The following IGBP1 variants were observed in gnomAD, a reference collection of about 807,000 sequenced individuals.
The protein encoded by IGBP1 is immunoglobulin-binding protein 1.
IGBP1 carries 2 observed loss-of-function variants against 25.9 expected under a neutral mutation model. The observed-to-expected ratio is 0.08, with a 90% CI of 0.03 to 0.24. The LOEUF (loss-of-function observed/expected upper bound fraction) is 0.24. IGBP1 is among the 10% of genes least tolerant of loss of function. The probability of loss-of-function intolerance (pLI) is 1.00; values close to 1 mark genes in which losing one functional copy is unlikely to be tolerated. For synonymous variants in IGBP1, 96 were observed against 93.4 expected (o/e 1.03, Z -0.16); for missense variants, 187 against 260.4 (o/e 0.72, Z 1.94).
rs142288065 is a variant in IGBP1 at position 70,145,078 on chromosome X, C to T, written c.483-1555C>T. Among the ~76,000 whole-genome samples the T allele has an allele frequency of 3.8e-3, 415 of 109,259 alleles. 2 individuals carry two copies. The highest frequency in any genetic ancestry group is 0.013 in the African/African-American group (389 of 30,093). 94.9% of individuals were successfully genotyped at this position (109,259 alleles called of 115,157 possible). A position where few individuals can be genotyped will look rare whatever the true frequency, so the allele number is the denominator to read the frequency against. ...AAAAAGAAAGCATACAGGTAGAGTT[C>T]TGTATAAAATTTGTGGGAGTTCAAG... On this transcript the variant is annotated intron_variant, in intron 3 of 6. Transcript: ENST00000356413.
intron 5 of IGBP1, among the ~76,000 whole-genome samples, chrX:70,149,156 A>G (rs1300222226): frequency 1.9e-5 from 2 of 105,893 alleles, no homozygotes; most frequent in African/African-American, 6.9e-5. Context: ...TGAACCTGGG[A>G]GGGGGAGGTT....
At chrX:70,139,231 A>T (rs1282870508) in intron 3 of IGBP1, among the ~76,000 whole-genome samples, 1 of 106,520 alleles carries the variant, frequency 9.4e-6, no homozygotes, top group Admixed American at 1.0e-4. Context: ...AATTGCTGGA[A>T]CCCAGGAGGT....
In IGBP1 at chrX:70,133,789, A is replaced by G. The variant is rs2085077214; in HGVS notation, c.-159A>G. The G allele has an allele frequency of 2.1e-6, 1 of 482,085 alleles. No homozygotes were observed. The highest frequency in any genetic ancestry group is 3.5e-6 in the Non-Finnish European group (1 of 282,388). 39.7% of individuals were successfully genotyped at this position (482,085 alleles called of 1,213,427 possible). On this transcript the variant is annotated 5_prime_UTR_variant, in exon 2 of 7. The change abolishes the stop of an existing upstream ORF in the 5' untranslated region. Transcript: ENST00000356413. ...ATGGAAACGGTTGCCAGGGCCGGCT[A>G]ACAGCGGCTCCCGGAAGTCCTTTGA...
intron 3 of IGBP1, among the ~76,000 whole-genome samples, chrX:70,138,721 A>G (rs1032404610): frequency 9.0e-6 from 1 of 111,429 alleles, no homozygotes; most frequent in Admixed American, 9.6e-5. Context: ...ACATTATACC[A>G]TGAGCATTTC....
chrX:70,147,192 G>A (rs2085172055), intron 4 of IGBP1, among the ~76,000 whole-genome samples: 1 of 111,621 alleles, frequency 9.0e-6, no homozygotes, highest in African/African-American at 3.3e-5. Flanking sequence ...CCAGCACTTT[G>A]GAATGCCGAG....
chrX:70,144,574 T>C (rs2085152917), intron 3 of IGBP1, among the ~76,000 whole-genome samples: 2 of 109,055 alleles, frequency 1.8e-5, no homozygotes, highest in Admixed American at 2.0e-4. Context: ...TTATAGTAAA[T>C]GTCCACTTGT....
chrX:70,141,803 T>C (rs2085131631), intron 3 of IGBP1, among the ~76,000 whole-genome samples: 1 of 111,575 alleles, frequency 9.0e-6, no homozygotes, highest in African/African-American at 3.3e-5. Context: ...AATTTCTTTA[T>C]CAGCTAACAG....
At chrX:70,144,974 T>G (rs900804755) in intron 3 of IGBP1, among the ~76,000 whole-genome samples, 63 of 108,448 alleles carry the variant, frequency 5.8e-4, no homozygotes, top group Non-Finnish European at 1.7e-4. Flanking sequence ...TGACTTTTCA[T>G]GGGTCATGGA....
intron 3 of IGBP1, among the ~76,000 whole-genome samples, chrX:70,140,422 A>G (rs1169032911): frequency 8.9e-6 from 1 of 112,513 alleles, no homozygotes; most frequent in East Asian, 2.8e-4. Flanking sequence ...AGTGATGTGT[A>G]TATAAAATAC....
intron 3 of IGBP1, among the ~76,000 whole-genome samples, chrX:70,142,986 C>T (rs1012111500): frequency 4.1e-5 from 4 of 97,311 alleles, no homozygotes; most frequent in Admixed American, 1.2e-4. Context: ...TGCCGTGGCG[C>T]GACCTCGGCT....
At chrX:70,134,178 A>T (rs1294241124) in intron 2 of IGBP1, 43 bp downstream of exon 2, 1 of 1,140,814 alleles carries the variant, frequency 8.8e-7, no homozygotes. Flanking sequence ...CGAAGGTAAT[A>T]ATGGTTACCA....
rs144645839 is a variant in IGBP1, at chrX:70,136,230, C to T, written c.482+1414C>T. Among the ~76,000 whole-genome samples, 4 of 111,394 alleles carry T rather than the reference C, an allele frequency of 3.6e-5. No individual in the cohort carries two copies. In the East Asian group the frequency reaches 1.1e-3, roughly 31 times the overall value. On this transcript the variant is annotated intron_variant, in intron 3 of 6. Coordinates refer to ENST00000356413, the MANE Select transcript of IGBP1 (RefSeq NM_001551.3). ...AAGTAATAATGGTACAGATGGTCCCCGATTTGCGATGGCTTGTCTTAGAAT... is the reference window on the plus strand; with the variant it reads ...AAGTAATAATGGTACAGATGGTCCCTGATTTGCGATGGCTTGTCTTAGAAT...
At chrX:70,134,242 C>A in intron 2 of IGBP1, 107 bp downstream of exon 2, 2 of 724,575 alleles carry the variant, frequency 2.8e-6, no homozygotes, top group Non-Finnish European at 4.2e-6. Flanking sequence ...GAGAACGTTT[C>A]GTTCCTACTT....
At chrX:70,158,724 T>C (rs1272846081) in intron 6 of IGBP1, among the ~76,000 whole-genome samples, 1 of 111,110 alleles carries the variant, frequency 9.0e-6, no homozygotes, top group East Asian at 2.8e-4. Flanking sequence ...GTGCCTGTAG[T>C]CCCAGCTACT....
At chrX:70,152,729 C>CT (rs1477583196) in intron 6 of IGBP1, among the ~76,000 whole-genome samples, 2 of 111,963 alleles carry the variant, frequency 1.8e-5, no homozygotes, top group African/African-American at 6.5e-5. Context: ...ACTGGATGAG[C>CT]TTAATACCAG....
At chrX:70,156,047 C>T (rs1315043466) in intron 6 of IGBP1, among the ~76,000 whole-genome samples, 1 of 111,379 alleles carries the variant, frequency 9.0e-6, no homozygotes, top group Non-Finnish European at 1.9e-5. Flanking sequence ...GCAGTCAGAA[C>T]ATAACACATT....
Position 70,144,650 on chromosome X carries a change from CTTTTTTTTTTTTT to C in IGBP1, c.483-1967_483-1955del, listed in dbSNP as rs138993842. Among the ~76,000 whole-genome samples, 33 of 27,750 alleles carry C rather than the reference CTTTTTTTTTTTTT, an allele frequency of 1.2e-3. 1 individual carries two copies. Among genetic ancestry groups the C allele is most frequent in the African/African-American group, 4.7e-3 (31 of 6,545 alleles). The allele number at this position is 27,750 out of a possible 115,157, so 24.1% of individuals were successfully genotyped here. On this transcript the variant is annotated intron_variant, in intron 3 of 6. Transcript: ENST00000356413. ...GCCTTTTCAGAACAGTGGTTCTTGA[CTTTTTTTTTTTTT>C]TTTTTTTTTTTTTTTGAGATGGAGT...
At chrX:70,158,951 T>C (rs1211376502) in intron 6 of IGBP1, among the ~76,000 whole-genome samples, 1 of 112,248 alleles carries the variant, frequency 8.9e-6, no homozygotes, top group Non-Finnish European at 1.9e-5. Flanking sequence ...CAGAAAATTA[T>C]CAAAGTCAAA....
In IGBP1 at chrX:70,151,627, C is replaced by T. The variant is rs563181375; in HGVS notation, c.871+1305C>T. ...GCACAGTGGCTCACACCTGTAGTCC[C>T]AGCACTTTGGGAGGCCGAGGCAGGC... On this transcript the variant is annotated intron_variant, in intron 6 of 6. Transcript: ENST00000356413. 2.4e-4 allele frequency among the ~76,000 whole-genome samples: 27 copies of T among 111,826 alleles called. No homozygotes were observed. The South Asian group carries it at 0.01, about 42-fold the overall frequency.
Sources: allele counts gnomAD v4.1 joint callset (sites outside exome capture counted in the v4.1 genomes callset), GRCh38; gene constraint gnomAD v4.1.1; transcripts MANE v1.5; gene names NCBI Gene and HGNC (gene_info 2026-07-23, HGNC 2026-07-21).